Variants in ANTXR2 observed in about 807,000 individuals in gnomAD.
The protein encoded by ANTXR2 is ANTXR cell adhesion molecule 2.
Under a neutral mutation model 73.7 loss-of-function variants are expected in ANTXR2, and 44 were observed. The observed-to-expected ratio is 0.60, with a 90% confidence interval of 0.47 to 0.77. The LOEUF is 0.77. ANTXR2 is among the 30% of genes least tolerant of loss of function. The probability of loss-of-function intolerance (pLI) is 0.00; values close to 1 mark genes in which losing one functional copy is unlikely to be tolerated. For synonymous variants in ANTXR2, 217 were observed against 205.9 expected (o/e 1.05, Z -0.46); for missense variants, 604 against 592.5 (o/e 1.02, Z -0.20).
In ANTXR2 at chr4:80,005,538, C is replaced by A. The variant is rs190002385; in HGVS notation, c.1041+2983G>T. Reference sequence around the variant, plus strand: ...GAAACAAAATAAGATAAACACCCTGCGATTGTATTATAATACCCTCTGAAA... The same window carrying A: ...GAAACAAAATAAGATAAACACCCTGAGATTGTATTATAATACCCTCTGAAA... On this transcript the variant is annotated intron_variant, in intron 12 of 16. Transcript: ENST00000403729. 4.6e-3 allele frequency among the ~76,000 whole-genome samples: 696 copies of A among 152,144 alleles called. 10 individuals are homozygous for A. The highest frequency in any genetic ancestry group is 0.016 in the African/African-American group (661 of 41,508).
intron 9 of ANTXR2, among the ~76,000 whole-genome samples, chr4:80,032,700 T>G (rs1468568283): frequency 6.6e-6 from 1 of 151,808 alleles, no homozygotes; most frequent in Non-Finnish European, 1.5e-5. Context: ...CTTTACAATA[T>G]AAATTTTGAA....
intron 16 of ANTXR2, among the ~76,000 whole-genome samples, chr4:79,951,846 C>T (rs1256408829): frequency 6.6e-6 from 1 of 152,140 alleles, no homozygotes; most frequent in Non-Finnish European, 1.5e-5. Context: ...AATGTCCAGA[C>T]AATTCATTTA....
At chr4:80,029,266 C>T (rs1049336218) in intron 10 of ANTXR2, among the ~76,000 whole-genome samples, 4 of 152,066 alleles carry the variant, frequency 2.6e-5, no homozygotes, top group African/African-American at 7.2e-5. Flanking sequence ...AGGCATAATG[C>T]ATTTTATAAC....
chr4:80,060,943 C>G (rs1000883057), intron 3 of ANTXR2, among the ~76,000 whole-genome samples: 2 of 152,116 alleles, frequency 1.3e-5, no homozygotes, highest in African/African-American at 4.8e-5. Context: ...ACTGGAATGG[C>G]TAGAAGCGGA....
At chr4:80,058,685 A>AG (rs1448259065) in intron 3 of ANTXR2, among the ~76,000 whole-genome samples, 4 of 152,010 alleles carry the variant, frequency 2.6e-5, no homozygotes, top group East Asian at 1.9e-4. Context: ...ATGTTAAAAA[A>AG]AAAAGCCTCT....
At chr4:80,034,488 A>T (rs371333938) in intron 8 of ANTXR2, among the ~76,000 whole-genome samples, 4 of 152,236 alleles carry the variant, frequency 2.6e-5, no homozygotes, top group African/African-American at 9.6e-5. Flanking sequence ...TATAGAACCA[A>T]CGTGGAAGTA....
At chr4:80,008,498 A>G in intron 12 of ANTXR2, 23 bp downstream of exon 12, 1 of 1,554,798 alleles carries the variant, frequency 6.4e-7, no homozygotes, top group Non-Finnish European at 8.8e-7. Context: ...TTTTAAGTAG[A>G]GTTGTAAATC....
intron 16 of ANTXR2, among the ~76,000 whole-genome samples, chr4:79,963,324 C>G (rs1729217550): frequency 6.6e-6 from 1 of 151,990 alleles, no homozygotes; most frequent in South Asian, 2.1e-4. Flanking sequence ...TTCTCGGGTC[C>G]CTTTTAAATG....
intron 16 of ANTXR2, among the ~76,000 whole-genome samples, chr4:79,947,944 T>G (rs564964416): frequency 6.6e-6 from 1 of 152,288 alleles, no homozygotes; most frequent in South Asian, 2.1e-4. Flanking sequence ...TAATTTTAGC[T>G]TCATAGAAAT....
chr4:80,055,251 AAG>A (rs750607158), intron 5 of ANTXR2, 33 bp from the exon 6 acceptor site: 2 of 1,553,336 alleles, frequency 1.3e-6, no homozygotes, highest in East Asian at 4.7e-5. Flanking sequence ...GAGAGAAAAA[AAG>A]AGAGGGGAGA....
chr4:79,929,874 A>G (rs967254976), intron 16 of ANTXR2, among the ~76,000 whole-genome samples: 11 of 152,186 alleles, frequency 7.2e-5, no homozygotes, highest in Non-Finnish European at 1.6e-4. Context: ...CCATCATACA[A>G]TGTAGTTCTT....
chr4:79,993,760 G>GCGCGCGCGCACACACACACACACACA (rs71662888), intron 12 of ANTXR2, among the ~76,000 whole-genome samples: 3 of 140,658 alleles, frequency 2.1e-5, no homozygotes, highest in South Asian at 4.6e-4. Context: ...ACACACACAC[G>GCGCGCGCGCACACACACACACACACA]CACACACACA....
At chr4:79,915,546 A>T (rs1727308449) in intron 16 of ANTXR2, among the ~76,000 whole-genome samples, 1 of 152,166 alleles carries the variant, frequency 6.6e-6, no homozygotes, top group Admixed American at 6.6e-5. Context: ...CAGTTAGCTG[A>T]TTTATTTATA....
chr4:80,049,314 C>T (rs565657632), intron 7 of ANTXR2, among the ~76,000 whole-genome samples: 3 of 151,854 alleles, frequency 2.0e-5, no homozygotes, highest in Non-Finnish European at 4.4e-5. Flanking sequence ...CCACAGGGTA[C>T]TCACATCTCA....
chr4:79,983,160 A>G (rs1056748606), intron 14 of ANTXR2, among the ~76,000 whole-genome samples: 1 of 152,120 alleles, frequency 6.6e-6, no homozygotes, highest in Admixed American at 6.5e-5. Flanking sequence ...TGTGTTCATG[A>G]AAAAATCCCT....
chr4:80,060,291 G>C (rs1734184733), intron 3 of ANTXR2, among the ~76,000 whole-genome samples: 1 of 152,158 alleles, frequency 6.6e-6, no homozygotes, highest in Non-Finnish European at 1.5e-5. Flanking sequence ...TAATTCACAT[G>C]TTTGTGTTGG....
Position 79,983,987 on chromosome 4 carries a change from TATAA to T in ANTXR2, c.1087-21_1087-18del, listed in dbSNP as rs1227887674. 1 of 1,511,810 alleles carries T rather than the reference TATAA, an allele frequency of 6.6e-7. No homozygotes were observed. The highest frequency in any genetic ancestry group is 9.0e-7 in the Non-Finnish European group (1 of 1,116,364). 93.6% of individuals were successfully genotyped at this position (1,511,810 alleles called of 1,614,324 possible). A position where few individuals can be genotyped will look rare whatever the true frequency, so the allele number is the denominator to read the frequency against. On this transcript the variant is annotated intron_variant, in intron 13 of 16. Coordinates refer to ENST00000403729, the MANE Select transcript of ANTXR2 (RefSeq NM_058172.6). Reference sequence around the variant, plus strand: ...TTCTTCCTCCTGTGGAAATATGTTTTATAAATAGTTTTTAATTAATTTCTTAAAA... The same window carrying T: ...TTCTTCCTCCTGTGGAAATATGTTTTATAGTTTTTAATTAATTTCTTAAAA...
chr4:80,001,012 C>T (rs4561875), intron 12 of ANTXR2, among the ~76,000 whole-genome samples: 98,388 of 151,864 alleles, frequency 0.65, 34,506 homozygotes, highest in East Asian at 0.94. Flanking sequence ...ATTGTAAACC[C>T]GTCTCTTCCA....
chr4:80,009,705 G>A (rs1410605585), intron 11 of ANTXR2, among the ~76,000 whole-genome samples: 1 of 151,880 alleles, frequency 6.6e-6, no homozygotes, highest in East Asian at 1.9e-4. Flanking sequence ...AAATTAGCTG[G>A]GCGTGGTGGC....
Sources: allele counts gnomAD v4.1 joint callset (sites outside exome capture counted in the v4.1 genomes callset), GRCh38; gene constraint gnomAD v4.1.1; transcripts MANE v1.5; gene names NCBI Gene and HGNC (gene_info 2026-07-23, HGNC 2026-07-21).